The following CUL1 variants were observed in gnomAD, a reference collection of about 807,000 sequenced individuals.
The protein encoded by CUL1 is cullin-1.
Under a neutral mutation model 118.0 loss-of-function variants are expected in CUL1, and 24 were observed. That is an observed-to-expected ratio of 0.20 (90% confidence interval 0.15 to 0.29). CUL1 has a LOEUF of 0.29. Among genes scored for constraint, CUL1 ranks in the 10% least tolerant of loss-of-function variants. The probability of loss-of-function intolerance (pLI) is 1.00; values close to 1 mark genes in which losing one functional copy is unlikely to be tolerated. For missense variants in CUL1, 361 were observed against 933.8 expected (o/e 0.39, Z 7.99); for synonymous variants, 332 against 340.4 (o/e 0.98, Z 0.27).
chr7:148,800,352 T>C lies in CUL1; in HGVS notation c.2251-150T>C, dbSNP rs1801345003. 3.2e-6 allele frequency: 2 copies of C among 623,760 alleles called. No individual in the cohort carries two copies. Among genetic ancestry groups the C allele is most frequent in the Non-Finnish European group, 5.6e-6 (2 of 354,942 alleles). The allele number at this position is 623,760 out of a possible 1,614,324, so 38.6% of individuals were successfully genotyped here. ...GCTTAGCTGCCAGGAAGTAAAACTCTATGCTAACAGATCTGGGGCGGGGAC... is the reference window on the plus strand; with the variant it reads ...GCTTAGCTGCCAGGAAGTAAAACTCCATGCTAACAGATCTGGGGCGGGGAC... On this transcript the variant is annotated intron_variant, in intron 21 of 21. Transcript: ENST00000325222. The surrounding 1 kb of genome is among the most constrained non-coding windows in gnomAD (Gnocchi z 4.6).
At chr7:148,698,312 G>A (rs1585513791), upstream of CUL1, 3 of 152,572 alleles carry the variant, frequency 2.0e-5, no homozygotes, top group Non-Finnish European at 1.5e-5. Flanking sequence ...ACAAGGGAGG[G>A]GCAGGGGACT....
intron 9 of CUL1, chr7:148,783,285 A>G (rs1800705290): frequency 1.0e-6 from 1 of 974,610 alleles, no homozygotes; most frequent in Non-Finnish European, 1.2e-6. Flanking sequence ...GGCCCCCGGC[A>G]TCGCCACGCG....
At chr7:148,767,501 G>C (rs1185899937) in intron 8 of CUL1, 118 bp from the exon 9 acceptor site, 2 of 880,022 alleles carry the variant, frequency 2.3e-6, no homozygotes, top group Admixed American at 2.6e-5. Context: ...GATTATTAAA[G>C]TCTAAAAACA....
chr7:148,736,011 A>T (rs1164428617), intron 2 of CUL1, among the ~76,000 whole-genome samples: 1 of 51,948 alleles, frequency 1.9e-5, no homozygotes, highest in African/African-American at 1.3e-4. Context: ...TGTCTTTAAA[A>T]AAAAAAAAAA....
Position 148,754,111 on chromosome 7 carries a change from T to G in CUL1, c.276T>G (p.Leu92=). 1 of 1,611,750 alleles carries G rather than the reference T, an allele frequency of 6.2e-7. No homozygotes were observed. Among genetic ancestry groups the G allele is most frequent in the Non-Finnish European group, 8.5e-7 (1 of 1,179,126 alleles). ...TTGGCCTGGAATTATATAAACGACT[T>G]AAGGAATTTTTGAAGAATTACTTGA... is the stretch of plus-strand genomic sequence containing the variant. ...QFVGLELYKR[L]KEFLKNYLTN... Residue 92 remains leucine, a synonymous_variant, in exon 3 of 22, where the codon CTT becomes CTG. Transcript: ENST00000325222.
intron 3 of CUL1, among the ~76,000 whole-genome samples, chr7:148,755,290 G>A (rs117645402): frequency 6.6e-4 from 100 of 152,136 alleles, no homozygotes; most frequent in Non-Finnish European, 1.3e-3. Flanking sequence ...TCCTTCATCT[G>A]GTTCTACACT....
At chr7:148,796,059 T>C (rs1311172860) in intron 17 of CUL1, among the ~76,000 whole-genome samples, 1 of 148,762 alleles carries the variant, frequency 6.7e-6, no homozygotes, top group African/African-American at 2.5e-5. Context: ...ACTGCCCTTA[T>C]TGGGAAAGCT....
chr7:148,747,003 T>C (rs1025579978), intron 2 of CUL1, among the ~76,000 whole-genome samples: 16 of 152,224 alleles, frequency 1.1e-4, no homozygotes, highest in African/African-American at 3.9e-4. Flanking sequence ...GCTGTGATAG[T>C]TTGCTAGCTA....
At chr7:148,741,832 C>A (rs189394810) in intron 2 of CUL1, among the ~76,000 whole-genome samples, 3 of 152,252 alleles carry the variant, frequency 2.0e-5, no homozygotes, top group Non-Finnish European at 4.4e-5. Flanking sequence ...CCTCAGCCCC[C>A]CAAAGTGCTG....
intron 1 of CUL1, among the ~76,000 whole-genome samples, chr7:148,711,472 A>G (rs960150943): frequency 3.9e-5 from 6 of 152,224 alleles, no homozygotes; most frequent in Non-Finnish European, 8.8e-5. Context: ...AACTGTGCCC[A>G]GTTCCTTCAG....
At chr7:148,796,427 A>G (rs1436229360) in intron 17 of CUL1, among the ~76,000 whole-genome samples, 1 of 152,120 alleles carries the variant, frequency 6.6e-6, no homozygotes, top group Non-Finnish European at 1.5e-5. Context: ...TTGTTTTCTC[A>G]AGATGTTCGT....
chr7:148,750,660 A>G (rs1177507055), intron 2 of CUL1, among the ~76,000 whole-genome samples: 2 of 152,166 alleles, frequency 1.3e-5, no homozygotes, highest in Non-Finnish European at 1.5e-5. Flanking sequence ...ATAGTATTCC[A>G]TGCCACCTAG....
chr7:148,731,486 A>G (rs1798761934), intron 2 of CUL1, among the ~76,000 whole-genome samples: 1 of 152,250 alleles, frequency 6.6e-6, no homozygotes, highest in African/African-American at 2.4e-5. Flanking sequence ...ATACATGTAT[A>G]TACACTTACA....
At chr7:148,735,050 A>T (rs1798893689) in intron 2 of CUL1, among the ~76,000 whole-genome samples, 1 of 152,006 alleles carries the variant, frequency 6.6e-6, no homozygotes, top group Non-Finnish European at 1.5e-5. Context: ...CCCCACTAGC[A>T]CCGTAAGAAT....
At chr7:148,725,207 A>G (rs777717373) in intron 1 of CUL1, among the ~76,000 whole-genome samples, 383 of 107,722 alleles carry the variant, frequency 3.6e-3, no homozygotes, top group Middle Eastern at 9.0e-3. Flanking sequence ...GTACACACAC[A>G]CACACGCGCG....
chr7:148,709,642 T>C (rs1484507736), intron 1 of CUL1, among the ~76,000 whole-genome samples: 1 of 152,148 alleles, frequency 6.6e-6, no homozygotes, highest in Admixed American at 6.5e-5. Context: ...TTGTATGAAA[T>C]AAAAAATATG....
Position 148,745,119 on chromosome 7 carries a change from G to A in CUL1, c.141-8857G>A, listed in dbSNP as rs77863711. ...TGGTCTCTGTGCAAACCCATGACTC[G>A]TCTTTATTTTGCTGTCAAGACCATC... On this transcript the variant is annotated intron_variant, in intron 2 of 21. Transcript: ENST00000325222. 4.4e-3 allele frequency among the ~76,000 whole-genome samples: 661 copies of A among 151,900 alleles called. 7 individuals are homozygous for A. Among genetic ancestry groups the A allele is most frequent in the African/African-American group, 0.015 (620 of 41,418 alleles).
intron 9 of CUL1, among the ~76,000 whole-genome samples, chr7:148,781,183 C>T (rs757191053): frequency 6.9e-6 from 1 of 145,334 alleles, no homozygotes; most frequent in Non-Finnish European, 1.5e-5. Flanking sequence ...CCGGTTCAAG[C>T]GATTCTCCTG....
intron 1 of CUL1, among the ~76,000 whole-genome samples, chr7:148,707,193 G>C (rs1266785682): frequency 1.3e-5 from 2 of 152,130 alleles, no homozygotes; most frequent in African/African-American, 4.8e-5. Context: ...TTACAGTAGA[G>C]ATTTGATATG....
Sources: allele counts gnomAD v4.1 joint callset (sites outside exome capture counted in the v4.1 genomes callset), GRCh38; gene constraint gnomAD v4.1.1; non-coding constraint Gnocchi (gnomAD v3.1); transcripts MANE v1.5; gene names NCBI Gene and HGNC (gene_info 2026-07-23, HGNC 2026-07-21).